Variants in SLC15A3 observed in about 807,000 individuals in gnomAD.
SLC15A3 encodes the protein solute carrier family 15 member 3.
Under a neutral mutation model 49.2 loss-of-function variants are expected in SLC15A3, and 39 were observed. That is an observed-to-expected ratio of 0.79 (90% CI 0.61 to 1.04). The LOEUF (loss-of-function observed/expected upper bound fraction) is 1.04, where lower values mean the gene tolerates loss of function less well. SLC15A3 is among the 50% of genes least tolerant of loss of function. The probability of loss-of-function intolerance (pLI) is 0.00; values close to 1 mark genes in which losing one functional copy is unlikely to be tolerated. For missense variants in SLC15A3, 758 were observed against 794.8 expected, an observed-to-expected ratio of 0.95 and a Z score of 0.56; for synonymous variants, 339 against 367.0, an observed-to-expected ratio of 0.92 and a Z score of 0.87.
At chr11:60,940,176 G>GAGAT (rs1301460261) in intron 5 of SLC15A3, 1 of 157,338 alleles carries the variant, frequency 6.4e-6, no homozygotes, top group Non-Finnish European at 1.4e-5. Flanking sequence ...TGTTGCTTGG[G>GAGAT]AGATAGCTGT....
At position 60,951,953 on chromosome 11, in the gene SLC15A3, C is replaced by A. The variant is rs1002411402; in HGVS notation, c.-402G>T. On this transcript the variant is annotated 5_prime_UTR_variant, in exon 1 of 8. Coordinates refer to ENST00000227880, the MANE Select transcript of SLC15A3 (RefSeq NM_016582.3). ...GCCCCTCCGCCTCCCTTTCCCCTCCCCGTTTGTCGCCCCTTCCTGTTGTCC... is the reference window on the plus strand; with the variant it reads ...GCCCCTCCGCCTCCCTTTCCCCTCCACGTTTGTCGCCCCTTCCTGTTGTCC... Among the ~76,000 whole-genome samples, 3 of 151,992 alleles carry A rather than the reference C, an allele frequency of 2.0e-5. No individual in the cohort carries two copies. The highest frequency in any genetic ancestry group is 2.0e-4 in the Admixed American group (3 of 15,262).
At chr11:60,941,587 G>A (rs1462799091) in intron 4 of SLC15A3, 2 of 377,726 alleles carry the variant, frequency 5.3e-6, no homozygotes, top group South Asian at 5.2e-5. Context: ...GCAAGGAAAT[G>A]GACTACAATG....
intron 2 of SLC15A3, 61 bp downstream of exon 2, chr11:60,946,471 C>T (rs1413553237): frequency 1.3e-5 from 19 of 1,499,812 alleles, no homozygotes; most frequent in African/African-American, 4.2e-5. Context: ...CATGCCTCCC[C>T]GGGAGCGATC....
chr11:60,946,046 G>T lies in SLC15A3; in HGVS notation c.848+486C>A, dbSNP rs183905465. 1.1e-3 allele frequency among the ~76,000 whole-genome samples: 174 copies of T among 151,774 alleles called. 3 individuals carry two copies. Among genetic ancestry groups the T allele is most frequent in the Admixed American group, 0.011 (165 of 15,244 alleles). On this transcript the variant is annotated intron_variant, in intron 2 of 7. Transcript: ENST00000227880. ...CCTGTTCTGTCACCCAGGCTGGAGT[G>T]CAGTGGCACCATCATGGCTCACTCC...
chr11:60,941,509 G>A, intron 4 of SLC15A3: 1 of 495,678 alleles, frequency 2.0e-6, no homozygotes, highest in Non-Finnish European at 3.5e-6. Context: ...ATTGGTAGTG[G>A]CTGATTATGG....
At position 60,937,250 on chromosome 11, in the gene SLC15A3, G is replaced by A. The variant is rs1156242520; in HGVS notation, c.1715C>T (p.Ser572Phe). 10 of 1,614,010 alleles carry A rather than the reference G, an allele frequency of 6.2e-6. No homozygotes were observed. The highest frequency in any genetic ancestry group is 8.5e-6 in the Non-Finnish European group (10 of 1,180,012). The stretch of plus-strand genomic sequence containing the variant: ...CCTGTCCCTGCTGAAACGGCTGTGG[G>A]AGGCTGGGCCCTGGGACGCCCTCTC... ...RYERASQGPA[S>F]HSRFSRDRG The change falls in exon 8 of 8, where the codon TCC (serine) becomes TTC (phenylalanine). Residue 572 changes from serine to phenylalanine, a missense_variant. Ser to Phe is a radical substitution (Grantham distance 155, BLOSUM62 -2). Around this residue, in one of 3 missense-constraint regions of SLC15A3, gnomAD observed 699 missense variants for 706.7 expected, o/e 0.99. Coordinates refer to ENST00000227880, the MANE Select transcript of SLC15A3 (RefSeq NM_016582.3).
chr11:60,943,756 A>C lies in SLC15A3; in HGVS notation c.929T>G (p.Phe310Cys). The C allele has an allele frequency of 6.2e-7, 1 of 1,606,072 alleles. No individual in the cohort carries two copies. Reference sequence around the variant, plus strand: ...GGGCAAGATCTTCACCAGCACCTGGAAGTTGGCGATGTCCTCTTGCGGGGA... The same window carrying C: ...GGGCAAGATCTTCACCAGCACCTGGCAGTTGGCGATGTCCTCTTGCGGGGA... ...GASPQEDIANFQVLVKILPVM... is the reference protein window; with the variant it reads ...GASPQEDIANCQVLVKILPVM... The change falls in exon 3 of 8, where the codon TTC (phenylalanine) becomes TGC (cysteine). Residue 310 changes from phenylalanine to cysteine, a missense_variant. By Grantham distance (205) the Phe-to-Cys change is radical. Around this residue, in one of 3 missense-constraint regions of SLC15A3, gnomAD observed 699 missense variants for 706.7 expected, o/e 0.99. Transcript: ENST00000227880.
At position 60,946,662 on chromosome 11, in the gene SLC15A3, C is replaced by A; in HGVS notation, c.718G>T (p.Ala240Ser). 6.2e-7 allele frequency: 1 copy of A among 1,614,130 alleles called. No homozygotes were observed. The highest frequency in any genetic ancestry group is 8.5e-7 in the Non-Finnish European group (1 of 1,179,988). ...GTGGCAAAGAGGAAGATGAAAAATG[C>A]CAGGCCCACACAGCCCACAGGGATG... ...YSIPVGCVGL[A>S]FFIFLFATPV... Residue 240 changes from alanine to serine, a missense_variant, in exon 2 of 8, where the codon GCA (alanine) becomes TCA (serine). This residue lies in a region of SLC15A3 where 699 missense variants were observed against 706.7 expected (regional missense o/e 0.99). Coordinates refer to ENST00000227880, the MANE Select transcript of SLC15A3 (RefSeq NM_016582.3).
chr11:60,948,725 C>T (rs745406132), intron 1 of SLC15A3, among the ~76,000 whole-genome samples: 9 of 152,242 alleles, frequency 5.9e-5, no homozygotes, highest in Non-Finnish European at 1.3e-4. Context: ...CTTCATGAGG[C>T]CTTGTGGCCT....
chr11:60,939,780 G>C (rs539805584), intron 5 of SLC15A3, 142 bp from the exon 6 acceptor site: 2 of 956,606 alleles, frequency 2.1e-6, no homozygotes, highest in African/African-American at 1.7e-5. Context: ...TGCTGGACTG[G>C]GGGGTGGAGG....
In SLC15A3 at chr11:60,951,233, T is replaced by C. The variant is rs1281379463; in HGVS notation, c.319A>G (p.Ser107Gly). The change falls in exon 1 of 8, where the codon AGC (serine) becomes GGC (glycine). Residue 107 changes from serine to glycine, a missense_variant. Ser to Gly is a moderately conservative substitution (Grantham distance 56). Transcript: ENST00000227880. ...GAGGCGGCCAGGTAGAGCAGCAGGC[T>C]GAGCGCGACCGCGCGGTAGCGGCCC... is the stretch of plus-strand genomic sequence containing the variant. Reference protein sequence around the residue: ...YLGRYRAVALSLLLYLAASGL... With the variant: ...YLGRYRAVALGLLLYLAASGL... 1.3e-6 allele frequency: 2 copies of C among 1,510,660 alleles called. No individual in the cohort carries two copies. The highest frequency in any genetic ancestry group is 1.8e-6 in the Non-Finnish European group (2 of 1,134,120). The allele number at this position is 1,510,660 out of a possible 1,614,324, so 93.6% of individuals were successfully genotyped here.
In SLC15A3 at chr11:60,939,460, G is replaced by C; in HGVS notation, c.1435+20C>G. ...AGAGCCCATCACTGGTGCAGGAGCA[G>C]GGGAGGGGATCCAGGGTACCTGGGA... On this transcript the variant is annotated intron_variant, in intron 6 of 7. Coordinates refer to ENST00000227880, the MANE Select transcript of SLC15A3 (RefSeq NM_016582.3). The C allele has an allele frequency of 2.5e-6, 4 of 1,612,846 alleles. No homozygotes were observed. Among genetic ancestry groups the C allele is most frequent in the Non-Finnish European group, 3.4e-6 (4 of 1,179,262 alleles).
At chr11:60,942,503 A>C (rs1468372985) in intron 3 of SLC15A3, 1 of 224,306 alleles carries the variant, frequency 4.5e-6, no homozygotes, top group East Asian at 1.2e-4. Flanking sequence ...CTCATCTGAC[A>C]CTGAAGCCAA....
chr11:60,946,464 G>C, intron 2 of SLC15A3, 68 bp downstream of exon 2: 1 of 1,484,310 alleles, frequency 6.7e-7, no homozygotes, highest in Non-Finnish European at 9.0e-7. Context: ...CCTGGACCAT[G>C]CCTCCCCGGG....
At chr11:60,949,003 G>A (rs1180799445) in intron 1 of SLC15A3, among the ~76,000 whole-genome samples, 3 of 152,144 alleles carry the variant, frequency 2.0e-5, no homozygotes, top group Admixed American at 6.5e-5. Context: ...AAATATTGGG[G>A]GTCTCTAGGT....
At position 60,951,539 on chromosome 11, in the gene SLC15A3, G is replaced by T; in HGVS notation, c.13C>A (p.Arg5Ser). The stretch of plus-strand genomic sequence containing the variant: ...GGCACGCGGGGCTGCTCCCGGGCGC[G>T]CGGCGCGGGCATCCTGGCTCCGGGC... MPAP[R>S]AREQPRVPGE... Residue 5 changes from arginine (R) to serine (S), a missense_variant, in exon 1 of 8, where the codon CGC (arginine) becomes AGC (serine). Physicochemically the swap from Arg to Ser is moderately radical, Grantham distance 110 (BLOSUM62 -1). Coordinates refer to ENST00000227880, the MANE Select transcript of SLC15A3 (RefSeq NM_016582.3). The T allele has an allele frequency of 8.7e-7, 1 of 1,143,466 alleles. No homozygotes were observed. Among genetic ancestry groups the T allele is most frequent in the Non-Finnish European group, 1.1e-6 (1 of 930,230 alleles). 70.8% of individuals were successfully genotyped at this position (1,143,466 alleles called of 1,614,324 possible). A position where few individuals can be genotyped will look rare whatever the true frequency, so the allele number is the denominator to read the frequency against.
Position 60,947,997 on chromosome 11 carries a change from A to G in SLC15A3, c.559-1176T>C, listed in dbSNP as rs143611625. Among the ~76,000 whole-genome samples the G allele has an allele frequency of 6.7e-3, 1,020 of 152,320 alleles. 10 individuals carry two copies. Among genetic ancestry groups the G allele is most frequent in the African/African-American group, 0.021 (885 of 41,558 alleles). The stretch of plus-strand genomic sequence containing the variant: ...AAATACTTCTCTACATTGCTAAACC[A>G]GTCACCCTTTCCATGCCCCTGCAAA... On this transcript the variant is annotated intron_variant, in intron 1 of 7. Coordinates refer to ENST00000227880, the MANE Select transcript of SLC15A3 (RefSeq NM_016582.3).
intron 1 of SLC15A3, among the ~76,000 whole-genome samples, chr11:60,948,618 A>G (rs1281767029): frequency 6.6e-6 from 1 of 150,466 alleles, no homozygotes. Flanking sequence ...TCTACACTGC[A>G]GCCGGAGCCA....
intron 1 of SLC15A3, among the ~76,000 whole-genome samples, chr11:60,950,715 C>T (rs1279517154): frequency 6.6e-6 from 1 of 152,206 alleles, no homozygotes; most frequent in Non-Finnish European, 1.5e-5. Context: ...CGCTTGAACC[C>T]GGGAGGCTGA....
Sources: allele counts gnomAD v4.1 joint callset (sites outside exome capture counted in the v4.1 genomes callset), GRCh38; gene constraint gnomAD v4.1.1; regional missense constraint gnomAD v4.1.1; transcripts MANE v1.5; gene names NCBI Gene and HGNC (gene_info 2026-07-23, HGNC 2026-07-21).